Variants in COBL observed in about 807,000 individuals in gnomAD.
COBL encodes the protein protein cordon-bleu.
Under a neutral mutation model 98.8 loss-of-function variants are expected in COBL, and 51 were observed. The observed-to-expected ratio is 0.52, with a 90% CI of 0.41 to 0.65. The LOEUF (loss-of-function observed/expected upper bound fraction) is 0.65, where lower values mean the gene tolerates loss of function less well. Ranked by LOEUF, COBL falls within the 30% of genes least tolerant of loss-of-function variation. The pLI is 0.00. For missense variants in COBL, 1,617 were observed against 1,617.5 expected, an observed-to-expected ratio of 1.00 and a Z score of 0.01; for synonymous variants, 634 against 651.7, an observed-to-expected ratio of 0.97 and a Z score of 0.41.
At chr7:51,238,398 G>A (rs919208594) in intron 1 of COBL, among the ~76,000 whole-genome samples, 1 of 152,132 alleles carries the variant, frequency 6.6e-6, no homozygotes, top group Non-Finnish European at 1.5e-5. Context: ...TCTGTGTGAA[G>A]CCCTCAGTAA....
At chr7:51,097,709 A>T (rs11238429) in intron 6 of COBL, among the ~76,000 whole-genome samples, 7 of 151,924 alleles carry the variant, frequency 4.6e-5, no homozygotes, top group Non-Finnish European at 1.0e-4. Context: ...GTTGCATTAA[A>T]AATAATAAAA....
intron 5 of COBL, chr7:51,172,515 G>T: frequency 7.8e-7 from 1 of 1,287,898 alleles, no homozygotes; most frequent in Non-Finnish European, 1.0e-6. Context: ...GCACCCGACA[G>T]CACGAGCTGC....
chr7:51,069,091 T>C (rs1792255886), intron 7 of COBL, among the ~76,000 whole-genome samples: 1 of 152,108 alleles, frequency 6.6e-6, no homozygotes, highest in African/African-American at 2.4e-5. Flanking sequence ...ACATGAAAGG[T>C]AATTTGCCTT....
intron 2 of COBL, among the ~76,000 whole-genome samples, chr7:51,201,714 C>T (rs1791147105): frequency 1.3e-5 from 2 of 151,882 alleles, no homozygotes; most frequent in Admixed American, 6.6e-5. Context: ...AGTTAGGTGT[C>T]AAAAGAGGTC....
At chr7:51,114,568 A>C (rs981092199) in intron 6 of COBL, among the ~76,000 whole-genome samples, 3 of 152,312 alleles carry the variant, frequency 2.0e-5, no homozygotes, top group East Asian at 1.9e-4. Context: ...CTAACCTGGA[A>C]GTTTTCTTAC....
chr7:51,250,728 T>C (rs1284531456), intron 1 of COBL, among the ~76,000 whole-genome samples: 1 of 152,198 alleles, frequency 6.6e-6, no homozygotes, highest in Non-Finnish European at 1.5e-5. Context: ...ACTAAGGTAT[T>C]ATGTAAGCTG....
intron 6 of COBL, among the ~76,000 whole-genome samples, chr7:51,094,913 C>G (rs1795138822): frequency 6.6e-6 from 1 of 152,106 alleles, no homozygotes; most frequent in Non-Finnish European, 1.5e-5. Context: ...TTGTATGTTA[C>G]TGAAGTTAAA....
At chr7:51,246,267 G>C (rs1796262287) in intron 1 of COBL, among the ~76,000 whole-genome samples, 1 of 152,136 alleles carries the variant, frequency 6.6e-6, no homozygotes, top group African/African-American at 2.4e-5. Flanking sequence ...GAGACAAATG[G>C]CCTGCAGCAA....
intron 7 of COBL, among the ~76,000 whole-genome samples, chr7:51,059,542 G>C (rs1208655420): frequency 6.6e-6 from 1 of 151,934 alleles, no homozygotes; most frequent in Non-Finnish European, 1.5e-5. Context: ...CCCAGGAATG[G>C]GAGAGAACAG....
chr7:51,035,585 CAA>C (rs907602356), intron 8 of COBL: 2 of 152,080 alleles, frequency 1.3e-5, no homozygotes, highest in African/African-American at 2.4e-5. Flanking sequence ...AGTCCTAGAA[CAA>C]TGGTGCCCAA....
intron 5 of COBL, among the ~76,000 whole-genome samples, chr7:51,168,107 C>T (rs955851617): frequency 2.6e-5 from 4 of 152,042 alleles, no homozygotes; most frequent in African/African-American, 4.8e-5. Context: ...AAGGAAACAA[C>T]CCACAAAATG....
At chr7:51,225,876 G>A (rs1794129287) in intron 1 of COBL, among the ~76,000 whole-genome samples, 1 of 152,140 alleles carries the variant, frequency 6.6e-6, no homozygotes, top group African/African-American at 2.4e-5. Flanking sequence ...CAGGTGTGAG[G>A]CCCAGGTAGC....
At chr7:51,036,336 CAAAAAAA>C (rs59610375) in intron 8 of COBL, among the ~76,000 whole-genome samples, 2 of 94,210 alleles carry the variant, frequency 2.1e-5, no homozygotes, top group Non-Finnish European at 4.0e-5. Flanking sequence ...GACTCCGTCT[CAAAAAAA>C]AAAAAAAAAA....
At chr7:51,166,876 T>C (rs958793747) in intron 5 of COBL, among the ~76,000 whole-genome samples, 3 of 152,198 alleles carry the variant, frequency 2.0e-5, no homozygotes, top group East Asian at 3.9e-4. Flanking sequence ...TCAATCGATA[T>C]TGAAAAGCAT....
intron 4 of COBL, among the ~76,000 whole-genome samples, chr7:51,186,106 G>C (rs964464708): frequency 6.6e-6 from 1 of 152,238 alleles, no homozygotes; most frequent in East Asian, 1.9e-4. Context: ...CCTCTATTAG[G>C]TACAGAGCTA....
rs1325418379 is a variant in COBL, at chr7:51,044,620, A to G, written c.1097-928T>C. ...AGGACATATGATCTAAGCACTATTT[A>G]TAACAGTCCAGAAAACAAGCACTGT... On this transcript the variant is annotated intron_variant, in intron 7 of 12. Coordinates refer to ENST00000265136, the MANE Select transcript of COBL (RefSeq NM_015198.5). 4.6e-5 allele frequency among the ~76,000 whole-genome samples: 7 copies of G among 152,246 alleles called. No homozygotes were observed. In the East Asian group the frequency reaches 1.2e-3, roughly 25 times the overall value.
chr7:51,071,599 T>C (rs962870851), intron 7 of COBL: 4 of 152,240 alleles, frequency 2.6e-5, no homozygotes, highest in African/African-American at 9.6e-5. Flanking sequence ...TTAATTGAGT[T>C]TGATATACTT....
chr7:51,311,754 A>C (rs1222620697), intron 1 of COBL, among the ~76,000 whole-genome samples: 1 of 152,208 alleles, frequency 6.6e-6, no homozygotes, highest in East Asian at 1.9e-4. Context: ...ACTCAAATAA[A>C]TGAAAATCAT....
chr7:51,028,928 T>A lies in COBL; in HGVS notation c.2168A>T (p.Asp723Val), dbSNP rs761361997. 4 of 1,614,186 alleles carry A rather than the reference T, an allele frequency of 2.5e-6. No homozygotes were observed. In the South Asian group the frequency reaches 4.4e-5, roughly 18 times the overall value. ...AATGGCTCCGGTGGAGAGGGACACA[T>A]CTCTGTCGTAACATCGCATCTCTGA... is the stretch of plus-strand genomic sequence containing the variant. ...PKSEMRCYDR[D>V]VSLSTGAIKI... Residue 723 changes from aspartate to valine, a missense_variant, in exon 10 of 13, where the codon GAT becomes GTT. Physicochemically the swap from Asp to Val is radical, Grantham distance 152. Coordinates refer to ENST00000265136, the MANE Select transcript of COBL (RefSeq NM_015198.5).
Sources: allele counts gnomAD v4.1 joint callset (sites outside exome capture counted in the v4.1 genomes callset), GRCh38; gene constraint gnomAD v4.1.1; transcripts MANE v1.5; gene names NCBI Gene and HGNC (gene_info 2026-07-23, HGNC 2026-07-21).